Variants in ZNF845 observed in about 807,000 individuals in gnomAD.
ZNF845 encodes the protein zinc finger protein 845.
Under a neutral mutation model 76.1 loss-of-function variants are expected in ZNF845, and 59 were observed. The ratio of observed to expected loss-of-function variants is 0.78; its 90% confidence interval spans 0.63 to 0.96. The LOEUF is 0.96. Among genes scored for constraint, ZNF845 ranks in the 40% least tolerant of loss-of-function variants. The pLI, the probability that ZNF845 is intolerant of heterozygous loss-of-function variation, is 0.00. For synonymous variants in ZNF845, 361 were observed against 386.9 expected, an observed-to-expected ratio of 0.93 and a Z score of 0.78; for missense variants, 1,045 against 1,172.8, an observed-to-expected ratio of 0.89 and a Z score of 1.59.
Position 53,351,031 on chromosome 19 carries a change from T to G in ZNF845, c.356T>G (p.Leu119Trp), listed in dbSNP as rs2085329974. Residue 119 changes from leucine (L) to tryptophan (W), a missense_variant, in exon 4 of 4, where the codon TTG becomes TGG. Leu to Trp is a moderately conservative substitution (Grantham distance 61). Coordinates refer to ENST00000458035, the MANE Select transcript of ZNF845 (RefSeq NM_138374.3). Reference sequence around the variant, plus strand: ...GCACCCATGACAGAAATCAAACAGTTGACGGGTAGTACAAACCGACATGAT... The same window carrying G: ...GCACCCATGACAGAAATCAAACAGTGGACGGGTAGTACAAACCGACATGAT... ...HEAPMTEIKQ[L>W]TGSTNRHDQR... 6.2e-7 allele frequency: 1 copy of G among 1,614,034 alleles called. No homozygotes were observed. Among genetic ancestry groups the G allele is most frequent in the Admixed American group, 1.7e-5 (1 of 60,002 alleles).
rs1174298365 is a variant in ZNF845, at chr19:53,351,871, C to T, written c.1196C>T (p.Thr399Ile). ...SRTFSRKSSL[T>I]RHRRLHTGEK... ...ACCTTTAGTCGGAAGTCATCCCTTA[C>T]ACGCCATCGTAGACTTCATACTGGA... The change falls in exon 4 of 4, where the codon ACA becomes ATA. Residue 399 changes from threonine to isoleucine, a missense_variant. Physicochemically the swap from Thr to Ile is moderately conservative, Grantham distance 89 (BLOSUM62 -1). Transcript: ENST00000458035. 6.2e-7 allele frequency: 1 copy of T among 1,611,766 alleles called. No homozygotes were observed. Among genetic ancestry groups the T allele is most frequent in the East Asian group, 2.2e-5 (1 of 44,736 alleles).
intron 3 of ZNF845, among the ~76,000 whole-genome samples, chr19:53,349,067 C>T (rs150534377): frequency 6.6e-6 from 1 of 151,820 alleles, no homozygotes; most frequent in African/African-American, 2.4e-5. Context: ...ACCATATTGG[C>T]CAGGCTGCTC....
In ZNF845 at chr19:53,352,504, A is replaced by G. The variant is rs752423608; in HGVS notation, c.1829A>G (p.Asn610Ser). 8.0e-5 allele frequency: 128 copies of G among 1,610,044 alleles called. No homozygotes were observed. The highest frequency in any genetic ancestry group is 4.1e-4 in the Admixed American group (24 of 59,146). The change falls in exon 4 of 4, where the codon AAT (asparagine) becomes AGT (serine). Residue 610 changes from asparagine (N) to serine (S), a missense_variant. Physicochemically the swap from Asn to Ser is conservative, Grantham distance 46. Coordinates refer to ENST00000458035, the MANE Select transcript of ZNF845 (RefSeq NM_138374.3). Reference sequence around the variant, plus strand: ...AATGAAGAGAGATCGTACAAGTGTAATAGATGTGGCAAATTTTTCAGACAT... The same window carrying G: ...AATGAAGAGAGATCGTACAAGTGTAGTAGATGTGGCAAATTTTTCAGACAT... ...IHNEERSYKC[N>S]RCGKFFRHRS...
rs182053005 is a variant in ZNF845 at position 53,347,997 on chromosome 19, C to T, written c.142+2365C>T. Among the ~76,000 whole-genome samples the T allele has an allele frequency of 3.5e-3, 535 of 152,332 alleles. 1 individual carries two copies. The highest frequency in any genetic ancestry group is 5.8e-3 in the Admixed American group (88 of 15,296). On this transcript the variant is annotated intron_variant, in intron 3 of 3. Transcript: ENST00000458035. Reference sequence around the variant, plus strand: ...CTGAGTTAAGGAGTTTGAGGCCACCCTGGCCAACGCGGTGAAATCCCGTCT... The same window carrying T: ...CTGAGTTAAGGAGTTTGAGGCCACCTTGGCCAACGCGGTGAAATCCCGTCT...
chr19:53,351,629 G>C lies in ZNF845; in HGVS notation c.954G>C (p.Lys318Asn), dbSNP rs532509496. Residue 318 changes from lysine (K) to asparagine (N), a missense_variant, in exon 4 of 4, where the codon AAG becomes AAC. By Grantham distance (94) the Lys-to-Asn change is moderately conservative (BLOSUM62 0). Coordinates refer to ENST00000458035, the MANE Select transcript of ZNF845 (RefSeq NM_138374.3). Reference sequence around the variant, plus strand: ...GAAATTCAGCCCTTGTAATTCATAAGGCAATTCATACTGGAGAGAAATCTT... The same window carrying C: ...GAAATTCAGCCCTTGTAATTCATAACGCAATTCATACTGGAGAGAAATCTT... ...FSRNSALVIH[K>N]AIHTGEKSYK... 1 of 1,613,586 alleles carries C rather than the reference G, an allele frequency of 6.2e-7. No individual in the cohort carries two copies. The highest frequency in any genetic ancestry group is 2.2e-5 in the East Asian group (1 of 44,876).
chr19:53,344,604 A>ATTTTATTTTATTTTAT (rs371551119), intron 2 of ZNF845, among the ~76,000 whole-genome samples: 6 of 126,940 alleles, frequency 4.7e-5, no homozygotes, highest in Admixed American at 8.8e-5. Context: ...ATTTTATTTT[A>ATTTTATTTTATTTTAT]TTTATTTTAT....
At chr19:53,340,083 C>T (rs1317951358) in intron 1 of ZNF845, among the ~76,000 whole-genome samples, 3 of 151,928 alleles carry the variant, frequency 2.0e-5, no homozygotes, top group Non-Finnish European at 4.4e-5. Context: ...CAGAGTTTTG[C>T]TCTTGTGTCC....
rs770165617 is a variant in ZNF845 at position 53,352,158 on chromosome 19, T to A, written c.1483T>A (p.Tyr495Asn). The change falls in exon 4 of 4, where the codon TAC (tyrosine) becomes AAC (asparagine). Residue 495 changes from tyrosine (Y) to asparagine (N), a missense_variant. Coordinates refer to ENST00000458035, the MANE Select transcript of ZNF845 (RefSeq NM_138374.3). ...TAGACTTCATACTGGAGAGAAACCT[T>A]ACAAATGTGAAGAATGTGATGAAGC... ...HRRLHTGEKP[Y>N]KCEECDEAFS... 34 of 1,613,950 alleles carry A rather than the reference T, an allele frequency of 2.1e-5. No homozygotes were observed. The highest frequency in any genetic ancestry group is 2.8e-5 in the Non-Finnish European group (33 of 1,179,966).
rs1225217168 is a variant in ZNF845, at chr19:53,350,959, A to G, written c.284A>G (p.His95Arg). 1.9e-6 allele frequency: 3 copies of G among 1,614,096 alleles called. No individual in the cohort carries two copies. Among genetic ancestry groups the G allele is most frequent in the African/African-American group, 2.7e-5 (2 of 74,940 alleles). The part of the protein sequence containing the change: ...FCFQEMEKDI[H>R]DFEFQWKEDE... ...TTCCAGGAAATGGAGAAAGATATTC[A>G]TGATTTTGAGTTTCAGTGGAAAGAA... Residue 95 changes from histidine to arginine, a missense_variant, in exon 4 of 4, where the codon CAT (histidine) becomes CGT (arginine). Coordinates refer to ENST00000458035, the MANE Select transcript of ZNF845 (RefSeq NM_138374.3).
In ZNF845 at chr19:53,342,966, C is replaced by G. The variant is rs575100728; in HGVS notation, c.15+1644C>G. Reference sequence around the variant, plus strand: ...CCCGAGTAGGTGACATTACAGGTGCCTGCCACCACTCCTGGCTAGTTTTTG... The same window carrying G: ...CCCGAGTAGGTGACATTACAGGTGCGTGCCACCACTCCTGGCTAGTTTTTG... On this transcript the variant is annotated intron_variant, in intron 2 of 3. Transcript: ENST00000458035. 5.3e-5 allele frequency among the ~76,000 whole-genome samples: 8 copies of G among 152,186 alleles called. No individual in the cohort carries two copies. In the East Asian group the frequency reaches 1.5e-3, roughly 29 times the overall value.
At chr19:53,346,010 T>C (rs2085293999) in intron 3 of ZNF845, among the ~76,000 whole-genome samples, 1 of 152,012 alleles carries the variant, frequency 6.6e-6, no homozygotes, top group African/African-American at 2.4e-5. Flanking sequence ...TACCTAATTA[T>C]TGGTTTTTAT....
chr19:53,343,308 T>C (rs1033365408), intron 2 of ZNF845, among the ~76,000 whole-genome samples: 6 of 152,210 alleles, frequency 3.9e-5, no homozygotes, highest in Admixed American at 2.0e-4. Context: ...ACATCTGCAT[T>C]AGAAATTGAC....
chr19:53,342,461 A>G (rs955510082), intron 2 of ZNF845, among the ~76,000 whole-genome samples: 45 of 152,086 alleles, frequency 3.0e-4, no homozygotes, highest in Non-Finnish European at 4.1e-4. Flanking sequence ...ACATCACATG[A>G]TATATTTATT....
chr19:53,352,966 AAC>A lies in ZNF845; in HGVS notation c.2295_2296del (p.His765GlnfsTer13), dbSNP rs1377095174. 2.5e-6 allele frequency: 4 copies of A among 1,613,680 alleles called. No individual in the cohort carries two copies. Among genetic ancestry groups the A allele is most frequent in the South Asian group, 1.1e-5 (1 of 91,040 alleles). ...TTCAGTCGCAAATCAAGCCTTGAAA[AAC>A]ACAGGAGAATTCATACTGGAGAGAA... On this transcript the variant is annotated frameshift_variant, in exon 4 of 4. Coordinates refer to ENST00000458035, the MANE Select transcript of ZNF845 (RefSeq NM_138374.3). LOFTEE classifies it high-confidence loss of function.
chr19:53,346,612 C>T (rs1776633638), intron 3 of ZNF845, among the ~76,000 whole-genome samples: 5 of 152,136 alleles, frequency 3.3e-5, no homozygotes, highest in Admixed American at 6.5e-5. Context: ...ACCCGGGAGG[C>T]GGAGGTTGCA....
In ZNF845 at chr19:53,352,467, T is replaced by C; in HGVS notation, c.1792T>C (p.Trp598Arg). The change falls in exon 4 of 4, where the codon TGG becomes CGG. Residue 598 changes from tryptophan (W) to arginine (R), a missense_variant. Physicochemically the swap from Trp to Arg is moderately radical, Grantham distance 101. Coordinates refer to ENST00000458035, the MANE Select transcript of ZNF845 (RefSeq NM_138374.3). ...FSNATTIANHWRIHNEERSYK... is the reference protein window; with the variant it reads ...FSNATTIANHRRIHNEERSYK... ...TAATGCTACAACCATTGCAAATCAT[T>C]GGAGAATCCATAATGAAGAGAGATC... 6.2e-7 allele frequency: 1 copy of C among 1,613,542 alleles called. No individual in the cohort carries two copies. Among genetic ancestry groups the C allele is most frequent in the Non-Finnish European group, 8.5e-7 (1 of 1,179,648 alleles).
Position 53,353,366 on chromosome 19 carries a change from T to A in ZNF845, c.2691T>A (p.Asn897Lys), listed in dbSNP as rs1226303155. ...YKCNKCGKVF[N>K]QQAHLACHHR... is the part of the protein sequence containing the mutation. Reference sequence around the variant, plus strand: ...GTAATAAATGTGGTAAGGTTTTTAATCAACAAGCACACCTTGCATGTCATC... The same window carrying A: ...GTAATAAATGTGGTAAGGTTTTTAAACAACAAGCACACCTTGCATGTCATC... The change falls in exon 4 of 4, where the codon AAT becomes AAA. Residue 897 changes from asparagine to lysine, a missense_variant. Transcript: ENST00000458035. 3 of 1,613,302 alleles carry A rather than the reference T, an allele frequency of 1.9e-6. No homozygotes were observed. The highest frequency in any genetic ancestry group is 1.7e-4 in the Middle Eastern group (1 of 6,056).
chr19:53,334,179 A>G (rs2085196101), intron 1 of ZNF845, among the ~76,000 whole-genome samples: 1 of 151,876 alleles, frequency 6.6e-6, no homozygotes, highest in African/African-American at 2.4e-5. Context: ...CCAGGCCCTT[A>G]TGCTCCCCAG....
chr19:53,356,079 A>C lies in ZNF845; in HGVS notation c.*2491A>C, dbSNP rs1024909341. The C allele has an allele frequency of 6.6e-6, 1 of 152,172 alleles. No homozygotes were observed. Among genetic ancestry groups the C allele is most frequent in the African/African-American group, 2.4e-5 (1 of 41,434 alleles). 9.4% of individuals were successfully genotyped at this position (152,172 alleles called of 1,614,324 possible). A position where few individuals can be genotyped will look rare whatever the true frequency, so the allele number is the denominator to read the frequency against. On this transcript the variant is annotated 3_prime_UTR_variant, in exon 4 of 4. Transcript: ENST00000458035. The stretch of plus-strand genomic sequence containing the variant: ...CATGGAAAAATACATATTATGAAAA[A>C]TTTGTGCATAAATTTCACACTTTTT...
Sources: gnomAD v4.1 joint callset for allele counts (sites outside exome capture counted in the v4.1 genomes callset) on GRCh38, gnomAD v4.1.1 for gene constraint, MANE v1.5 for transcripts, NCBI Gene and HGNC (gene_info 2026-07-23, HGNC 2026-07-21) for gene names.